The following QTRT1 variants were observed in gnomAD, a reference collection of about 807,000 sequenced individuals.
QTRT1 encodes the protein TGT, 43-KD subunit.
In QTRT1, 41 loss-of-function variants were observed where a neutral mutation model predicts 44.0. The observed-to-expected ratio is 0.93, with a 90% CI of 0.73 to 1.21. QTRT1 has a LOEUF of 1.21. Ranked by LOEUF, QTRT1 falls within the 50% of genes most tolerant of loss-of-function variation. QTRT1 has a pLI of 0.00. For synonymous variants in QTRT1, 226 were observed against 237.1 expected (o/e 0.95, Z 0.43); for missense variants, 542 against 575.8 (o/e 0.94, Z 0.60).
chr19:10,704,064 C>G (rs1296281745), intron 3 of QTRT1, among the ~76,000 whole-genome samples: 1 of 149,762 alleles, frequency 6.7e-6, no homozygotes, highest in African/African-American at 2.5e-5. Context: ...CCAGGCTGGT[C>G]TTGAACTCCT....
At chr19:10,705,605 G>A (rs997368825) in intron 3 of QTRT1, among the ~76,000 whole-genome samples, 7 of 151,294 alleles carry the variant, frequency 4.6e-5, no homozygotes, top group Non-Finnish European at 7.4e-5. Flanking sequence ...GTGCAATCTC[G>A]GCTCACTGCA....
chr19:10,710,034 T>C (rs911664290), intron 5 of QTRT1, among the ~76,000 whole-genome samples: 1 of 151,364 alleles, frequency 6.6e-6, no homozygotes, highest in Non-Finnish European at 1.5e-5. Flanking sequence ...AAAAGAAAAT[T>C]AGCACGCAAG....
chr19:10,706,129 C>T (rs2068712653), intron 3 of QTRT1, among the ~76,000 whole-genome samples: 1 of 152,112 alleles, frequency 6.6e-6, no homozygotes, highest in Non-Finnish European at 1.5e-5. Flanking sequence ...GCTGGGATTA[C>T]AGGCGTGAGC....
Position 10,712,787 on chromosome 19 carries a change from G to T in QTRT1, c.891G>T (p.Gly297=). Residue 297 remains glycine (G), a synonymous_variant, in exon 8 of 10, where the codon GGG becomes GGT. Transcript: ENST00000250237. The surrounding 1 kb of genome is among the most constrained non-coding windows in gnomAD (Gnocchi z 5.6). ...TTGGCTCTGCCCTGGTGCCCACTGG[G>T]AACCTGCAGTTGAGGAAGAAGGTGT... ...ARFGSALVPT[G]NLQLRKKVFE... 1 of 1,614,076 alleles carries T rather than the reference G, an allele frequency of 6.2e-7. No individual in the cohort carries two copies. Among genetic ancestry groups the T allele is most frequent in the African/African-American group, 1.3e-5 (1 of 75,026 alleles).
intron 3 of QTRT1, among the ~76,000 whole-genome samples, chr19:10,703,067 C>CTT (rs35329214): frequency 2.0e-3 from 85 of 43,010 alleles, no homozygotes; most frequent in East Asian, 4.6e-3. Context: ...CCACACCTGG[C>CTT]TTTTTTTTTT....
chr19:10,702,209 A>G lies in QTRT1; in HGVS notation c.406A>G (p.Thr136Ala). 6.2e-7 allele frequency: 1 copy of G among 1,614,032 alleles called. No individual in the cohort carries two copies. Among genetic ancestry groups the G allele is most frequent in the Non-Finnish European group, 8.5e-7 (1 of 1,180,012 alleles). The change falls in exon 3 of 10, where the codon ACC becomes GCC. Residue 136 changes from threonine to alanine, a missense_variant. Thr to Ala is a moderately conservative substitution (Grantham distance 58). Transcript: ENST00000250237. Reference sequence around the variant, plus strand: ...CCGCTCCCCCTACGACGGCAATGAGACCCTGCTGAGCCCGGAGAAATCCGT... The same window carrying G: ...CCGCTCCCCCTACGACGGCAATGAGGCCCTGCTGAGCCCGGAGAAATCCGT... ...RFRSPYDGNE[T>A]LLSPEKSVQI...
At chr19:10,705,499 A>G (rs1324049461) in intron 3 of QTRT1, among the ~76,000 whole-genome samples, 1 of 151,928 alleles carries the variant, frequency 6.6e-6, no homozygotes, top group African/African-American at 2.4e-5. Flanking sequence ...TCGGCCTCCC[A>G]AAGTGCTGGG....
chr19:10,703,003 A>G (rs2068697224), intron 3 of QTRT1, among the ~76,000 whole-genome samples: 1 of 150,168 alleles, frequency 6.7e-6, no homozygotes, highest in African/African-American at 2.5e-5. Flanking sequence ...TCCTGAGCTC[A>G]GGTGATCCGC....
chr19:10,703,193 G>C (rs2068698468), intron 3 of QTRT1, among the ~76,000 whole-genome samples: 2 of 151,068 alleles, frequency 1.3e-5, no homozygotes, highest in African/African-American at 4.9e-5. Context: ...CTGCTGAGTA[G>C]CTGGGATTAC....
rs753023258 is a variant in QTRT1, at chr19:10,701,449, C to T, written c.-12C>T. ...ACTGTGTGGTACGGCCCACGTGGTT[C>T]CGACAGTCAAGATGGCGGGAGCAGC... On this transcript the variant is annotated 5_prime_UTR_variant, in exon 1 of 10. Coordinates refer to ENST00000250237, the MANE Select transcript of QTRT1 (RefSeq NM_031209.3). The T allele has an allele frequency of 6.5e-6, 10 of 1,536,486 alleles. No homozygotes were observed. Among genetic ancestry groups the T allele is most frequent in the Middle Eastern group, 1.8e-4 (1 of 5,610 alleles).
intron 3 of QTRT1, 103 bp from the exon 4 acceptor site, chr19:10,707,199 G>C (rs148997676): frequency 1.9e-5 from 21 of 1,130,330 alleles, no homozygotes; most frequent in Middle Eastern, 2.0e-4. Flanking sequence ...GACGGGGGAT[G>C]GGGGGATGCT....
In QTRT1 at chr19:10,701,440, C is replaced by G. The variant is rs1393178811; in HGVS notation, c.-21C>G. 1 of 1,531,848 alleles carries G rather than the reference C, an allele frequency of 6.5e-7. No individual in the cohort carries two copies. The highest frequency in any genetic ancestry group is 1.4e-5 in the African/African-American group (1 of 73,072). The allele number at this position is 1,531,848 out of a possible 1,614,324, so 94.9% of individuals were successfully genotyped here. On this transcript the variant is annotated 5_prime_UTR_variant, in exon 1 of 10. Transcript: ENST00000250237. ...GCGCCGCCCACTGTGTGGTACGGCC[C>G]ACGTGGTTCCGACAGTCAAGATGGC... is the stretch of plus-strand genomic sequence containing the variant.
chr19:10,702,390 G>T, intron 3 of QTRT1, 136 bp downstream of exon 3: 2 of 933,260 alleles, frequency 2.1e-6, no homozygotes, highest in South Asian at 1.7e-5. Flanking sequence ...AACTCAAAGC[G>T]GGGGTAAATA....
Position 10,701,446 on chromosome 19 carries a change from G to T in QTRT1, c.-15G>T. On this transcript the variant is annotated 5_prime_UTR_variant, in exon 1 of 10. Coordinates refer to ENST00000250237, the MANE Select transcript of QTRT1 (RefSeq NM_031209.3). ...CCCACTGTGTGGTACGGCCCACGTG[G>T]TTCCGACAGTCAAGATGGCGGGAGC... is the stretch of plus-strand genomic sequence containing the variant. The T allele has an allele frequency of 6.5e-7, 1 of 1,536,284 alleles. No individual in the cohort carries two copies.
At position 10,712,169 on chromosome 19, in the gene QTRT1, A is replaced by C; in HGVS notation, c.655A>C (p.Lys219Gln). 6.2e-7 allele frequency: 1 copy of C among 1,612,868 alleles called. No individual in the cohort carries two copies. Among genetic ancestry groups the C allele is most frequent in the Non-Finnish European group, 8.5e-7 (1 of 1,180,042 alleles). ...TTACCCTGTACCCTCAGAGATGACC[A>C]AGCGAGACGTGCCTGGCTTCGCCAT... The part of the protein sequence containing the change: ...LRATCLEEMT[K>Q]RDVPGFAIGG... Residue 219 changes from lysine (K) to glutamine (Q), a missense_variant, in exon 6 of 10, where the codon AAG becomes CAG. Coordinates refer to ENST00000250237, the MANE Select transcript of QTRT1 (RefSeq NM_031209.3). This position sits in a 1 kb window ranked among gnomAD's most constrained non-coding sequence, Gnocchi z 5.6.
chr19:10,712,514 G>A lies in QTRT1; in HGVS notation c.786-39G>A, dbSNP rs756410095. On this transcript the variant is annotated intron_variant, in intron 6 of 9. Transcript: ENST00000250237. The surrounding 1 kb of genome is among the most constrained non-coding windows in gnomAD (Gnocchi z 5.6). The stretch of plus-strand genomic sequence containing the variant: ...TTGGGAGGGGCCCTGGGAAGCCCCT[G>A]AGGTTCTCTGCCCCCTCCCGTCATG... The A allele has an allele frequency of 1.3e-6, 2 of 1,585,072 alleles. No homozygotes were observed. Among genetic ancestry groups the A allele is most frequent in the East Asian group, 4.5e-5 (2 of 44,736 alleles).
At chr19:10,705,336 T>C (rs1419682916) in intron 3 of QTRT1, among the ~76,000 whole-genome samples, 2 of 152,066 alleles carry the variant, frequency 1.3e-5, no homozygotes, top group Non-Finnish European at 2.9e-5. Context: ...TCTTCTGGGT[T>C]CAAGCACTTC....
intron 3 of QTRT1, among the ~76,000 whole-genome samples, chr19:10,704,916 A>ATT (rs57490073): frequency 3.7e-5 from 5 of 133,558 alleles, no homozygotes; most frequent in Non-Finnish European, 1.6e-5. Context: ...GAATGTCGTA[A>ATT]TTTTTTTTTT....
chr19:10,703,190 G>C (rs1041181581), intron 3 of QTRT1, among the ~76,000 whole-genome samples: 1 of 150,746 alleles, frequency 6.6e-6, no homozygotes, highest in South Asian at 2.1e-4. Context: ...AGCCTGCTGA[G>C]TAGCTGGGAT....
Sources: allele counts gnomAD v4.1 joint callset (sites outside exome capture counted in the v4.1 genomes callset), GRCh38; gene constraint gnomAD v4.1.1; non-coding constraint Gnocchi (gnomAD v3.1); transcripts MANE v1.5; gene names NCBI Gene and HGNC (gene_info 2026-07-23, HGNC 2026-07-21).